The following KMT2E variants were observed in gnomAD, a reference collection of about 807,000 sequenced individuals.
The protein encoded by KMT2E is histone reader KMT2E.
Under a neutral mutation model 184.6 loss-of-function variants are expected in KMT2E, and 30 were observed. That is an observed-to-expected ratio of 0.16 (90% CI 0.12 to 0.22). KMT2E has a LOEUF of 0.22. Ranked by LOEUF, KMT2E falls within the 10% of genes least tolerant of loss-of-function variation. The pLI is 1.00. For synonymous variants in KMT2E, 815 were observed against 776.5 expected (o/e 1.05, Z -0.82); for missense variants, 2,023 against 2,237.4 (o/e 0.90, Z 1.93).
chr7:105,018,559 GT>G lies in KMT2E; in HGVS notation c.-189+4027del, dbSNP rs987613875. Among the ~76,000 whole-genome samples, 6 of 152,152 alleles carry G rather than the reference GT, an allele frequency of 3.9e-5. No individual in the cohort carries two copies. In the South Asian group the frequency reaches 6.2e-4, roughly 16 times the overall value. ...TAAATACTTGTATTCTGTGAGACTT[GT>G]TTCCCCCAATTTCATGATAGATTAT... On this transcript the variant is annotated intron_variant, in intron 1 of 26. Transcript: ENST00000311117.
rs753579484 is a variant in KMT2E, at chr7:105,110,819, C to A, written c.4019C>A (p.Ser1340Tyr). ...PEPTTTNECPSPDTSQNTCKS... is the reference protein window; with the variant it reads ...PEPTTTNECPYPDTSQNTCKS... ...CCCACAACTACGAATGAATGTCCAT[C>A]CCCAGATACTTCTCAAAATACTTGT... Residue 1340 changes from serine to tyrosine, a missense_variant, in exon 26 of 27, where the codon TCC (serine) becomes TAC (tyrosine). By Grantham distance (144) the Ser-to-Tyr change is moderately radical. This residue lies in a region of KMT2E where 1,108 missense variants were observed against 1,050.9 expected (regional missense o/e 1.05). Transcript: ENST00000311117. 3.7e-6 allele frequency: 6 copies of A among 1,613,938 alleles called. No individual in the cohort carries two copies. In the Admixed American group the frequency reaches 1.0e-4, roughly 27 times the overall value.
rs560600198 is a variant in KMT2E at position 105,033,459 on chromosome 7, G to T, written c.-188-4667G>T. 1.1e-4 allele frequency among the ~76,000 whole-genome samples: 16 copies of T among 152,160 alleles called. No individual in the cohort carries two copies. The East Asian group carries it at 2.3e-3, about 22-fold the overall frequency. The stretch of plus-strand genomic sequence containing the variant: ...TCTGAGACTAGGTAATTAATAGAAG[G>T]TTTTTTGTATTTTTGTTTGTTTTGC... On this transcript the variant is annotated intron_variant, in intron 1 of 26. Transcript: ENST00000311117.
At chr7:105,024,556 G>A (rs1002394468) in intron 1 of KMT2E, among the ~76,000 whole-genome samples, 2 of 152,090 alleles carry the variant, frequency 1.3e-5, no homozygotes, top group Admixed American at 1.3e-4. Context: ...ATATTAAAAT[G>A]AACATTCTCA....
At position 105,078,872 on chromosome 7, in the gene KMT2E, C is replaced by G; in HGVS notation, c.1157C>G (p.Ser386Cys). ...KRPYPFVLFY[S>C]KFHGLEMCVD... ...CCATACCCTTTTGTGTTATTCTACTCTAAATTTCATGGGCTAGAAATGTGT... is the reference window on the plus strand; with the variant it reads ...CCATACCCTTTTGTGTTATTCTACTGTAAATTTCATGGGCTAGAAATGTGT... Residue 386 changes from serine to cysteine, a missense_variant, in exon 12 of 27, where the codon TCT (serine) becomes TGT (cysteine). Physicochemically the swap from Ser to Cys is moderately radical, Grantham distance 112 (BLOSUM62 -1). Coordinates refer to ENST00000311117, the MANE Select transcript of KMT2E (RefSeq NM_182931.3). The G allele has an allele frequency of 6.2e-7, 1 of 1,602,240 alleles. No individual in the cohort carries two copies. The highest frequency in any genetic ancestry group is 8.5e-7 in the Non-Finnish European group (1 of 1,169,848).
chr7:105,091,672 G>A, intron 15 of KMT2E: 1 of 284,744 alleles, frequency 3.5e-6, no homozygotes, highest in Non-Finnish European at 6.5e-6. Context: ...TATAATAAAA[G>A]TACAAATTTA....
intron 23 of KMT2E, 37 bp from the exon 24 acceptor site, chr7:105,110,243 T>C: frequency 6.5e-7 from 1 of 1,526,980 alleles, no homozygotes; most frequent in Non-Finnish European, 9.1e-7. Context: ...AGCAGTAGTT[T>C]CTTTCAATAG....
Position 105,107,863 on chromosome 7 carries a change from A to C in KMT2E, c.3406A>C (p.Thr1136Pro). Residue 1136 changes from threonine to proline, a missense_variant, in exon 22 of 27, where the codon ACT (threonine) becomes CCT (proline). Thr to Pro is a conservative substitution (Grantham distance 38, BLOSUM62 -1). Around this residue, in one of 8 missense-constraint regions of KMT2E, gnomAD observed 1,108 missense variants for 1,050.9 expected, o/e 1.05. Transcript: ENST00000311117. ...EDGLVSGFGR[T>P]VNDNLIDGNC... is the part of the protein sequence containing the mutation. The stretch of plus-strand genomic sequence containing the variant: ...TGGGCTTGTATCTGGTTTCGGACGG[A>C]CTGTTAATGACAATTTGATCGACGG... 2.5e-6 allele frequency: 4 copies of C among 1,614,114 alleles called. No individual in the cohort carries two copies. Among genetic ancestry groups the C allele is most frequent in the Non-Finnish European group, 3.4e-6 (4 of 1,179,998 alleles).
chr7:105,086,917 A>G (rs1283137996), intron 13 of KMT2E, among the ~76,000 whole-genome samples: 1 of 141,184 alleles, frequency 7.1e-6, no homozygotes, highest in Non-Finnish European at 1.5e-5. Flanking sequence ...ATTATATAGC[A>G]TATATATGCT....
At chr7:105,107,086 TTTG>T (rs1798933548) in intron 20 of KMT2E, 77 bp from the exon 21 acceptor site, 2 of 821,960 alleles carry the variant, frequency 2.4e-6, no homozygotes, top group Non-Finnish European at 3.8e-6. Context: ...TATTTTTCAT[TTTG>T]TTTTCATTTC....
At chr7:105,052,925 TAAG>T (rs1796406952) in intron 3 of KMT2E, among the ~76,000 whole-genome samples, 1 of 152,116 alleles carries the variant, frequency 6.6e-6, no homozygotes, top group Admixed American at 6.6e-5. Context: ...TTTATTATAT[TAAG>T]AAGGATTATT....
intron 3 of KMT2E, among the ~76,000 whole-genome samples, chr7:105,052,538 G>A (rs1396694397): frequency 6.6e-6 from 1 of 151,754 alleles, no homozygotes; most frequent in East Asian, 1.9e-4. Flanking sequence ...TTGCTTGAAG[G>A]TCATTTTTTA....
intron 17 of KMT2E, chr7:105,105,122 T>C (rs1437434832): frequency 5.2e-6 from 1 of 193,516 alleles, no homozygotes; most frequent in South Asian, 1.1e-4. Context: ...AAGCCGAGAC[T>C]GCACCACTGC....
intron 15 of KMT2E, among the ~76,000 whole-genome samples, chr7:105,097,056 CAG>C (rs1479049975): frequency 2.0e-5 from 3 of 152,206 alleles, no homozygotes; most frequent in Non-Finnish European, 2.9e-5. Context: ...TTGACCCCCA[CAG>C]AGTGTTATTC....
chr7:105,026,423 T>C (rs1328477701), intron 1 of KMT2E, among the ~76,000 whole-genome samples: 1 of 152,238 alleles, frequency 6.6e-6, no homozygotes, highest in Non-Finnish European at 1.5e-5. Flanking sequence ...CTGATAATAC[T>C]ATAGATTAAT....
chr7:105,044,725 C>T (rs10280752), intron 3 of KMT2E, among the ~76,000 whole-genome samples: 28,779 of 152,126 alleles, frequency 0.19, 3,466 homozygotes, highest in East Asian at 0.58. Context: ...AGTAGCTGAT[C>T]TACCAGTAGT....
At chr7:105,087,244 G>GA (rs1197712447) in intron 13 of KMT2E, among the ~76,000 whole-genome samples, 1 of 143,354 alleles carries the variant, frequency 7.0e-6, no homozygotes, top group East Asian at 2.2e-4. Flanking sequence ...TATATAAAGA[G>GA]ATACCATTCA....
At chr7:105,055,414 C>T (rs529063669) in intron 3 of KMT2E, among the ~76,000 whole-genome samples, 1 of 152,178 alleles carries the variant, frequency 6.6e-6, no homozygotes, top group African/African-American at 2.4e-5. Flanking sequence ...ACGCAGGGTT[C>T]TTCTTGAACT....
intron 15 of KMT2E, among the ~76,000 whole-genome samples, chr7:105,098,636 C>T (rs1798523102): frequency 6.6e-6 from 1 of 152,104 alleles, no homozygotes; most frequent in Non-Finnish European, 1.5e-5. Flanking sequence ...CTCTTGACCT[C>T]ATGATCCACC....
chr7:105,101,121 G>A (rs972784658), intron 15 of KMT2E, among the ~76,000 whole-genome samples: 4 of 151,958 alleles, frequency 2.6e-5, no homozygotes, highest in African/African-American at 9.6e-5. Flanking sequence ...AAAGATTTTC[G>A]GTTTGGTAAA....
Sources: gnomAD v4.1 joint callset for allele counts (sites outside exome capture counted in the v4.1 genomes callset) on GRCh38, gnomAD v4.1.1 for gene constraint, gnomAD v4.1.1 regional missense constraint, MANE v1.5 for transcripts, NCBI Gene and HGNC (gene_info 2026-07-23, HGNC 2026-07-21) for gene names.